Variants in CDK7 observed in about 807,000 individuals in gnomAD.
CDK7 encodes cyclin-dependent kinase 7.
CDK7 carries 25 observed loss-of-function variants against 49.1 expected under a neutral mutation model. The ratio of observed to expected loss-of-function variants is 0.51; its 90% CI spans 0.37 to 0.71. CDK7 has a LOEUF of 0.71. Ranked by LOEUF, CDK7 falls within the 30% of genes least tolerant of loss-of-function variation. The pLI is 0.00. For missense variants in CDK7, 316 were observed against 411.7 expected, an observed-to-expected ratio of 0.77 and a Z score of 2.01; for synonymous variants, 107 against 140.0, an observed-to-expected ratio of 0.76 and a Z score of 1.67.
chr5:69,242,011 T>C (rs1030074550), intron 2 of CDK7, among the ~76,000 whole-genome samples: 5 of 152,202 alleles, frequency 3.3e-5, no homozygotes, highest in African/African-American at 1.2e-4. Context: ...TTTCCACTGT[T>C]TTCTTTTAGT....
intron 10 of CDK7, among the ~76,000 whole-genome samples, chr5:69,276,186 G>A (rs1247756132): frequency 1.3e-5 from 2 of 151,974 alleles, no homozygotes; most frequent in African/African-American, 2.4e-5. Context: ...GCACCACCAC[G>A]CCCAGCTTAT....
intron 2 of CDK7, chr5:69,250,648 A>C: frequency 2.2e-6 from 1 of 453,974 alleles, no homozygotes; most frequent in African/African-American, 2.0e-5. Flanking sequence ...CATGGACCCT[A>C]GTAGCCCACC....
chr5:69,249,688 A>C (rs933485760), intron 2 of CDK7, among the ~76,000 whole-genome samples: 2 of 152,138 alleles, frequency 1.3e-5, no homozygotes, highest in African/African-American at 4.8e-5. Flanking sequence ...CTCTACTAAA[A>C]ATACAAAATT....
intron 6 of CDK7, among the ~76,000 whole-genome samples, chr5:69,259,507 AT>A (rs1465526938): frequency 6.6e-6 from 1 of 152,194 alleles, no homozygotes; most frequent in Non-Finnish European, 1.5e-5. Flanking sequence ...AGTAGGAACC[AT>A]TTATTGAGTG....
At chr5:69,240,809 A>G (rs1014703465) in intron 2 of CDK7, among the ~76,000 whole-genome samples, 1 of 152,030 alleles carries the variant, frequency 6.6e-6, no homozygotes, top group African/African-American at 2.4e-5. Flanking sequence ...TTGTATTTTT[A>G]GTAGAGACGG....
At chr5:69,237,235 G>C (rs1441192200) in intron 2 of CDK7, among the ~76,000 whole-genome samples, 1 of 151,916 alleles carries the variant, frequency 6.6e-6, no homozygotes, top group Non-Finnish European at 1.5e-5. Flanking sequence ...AAGGTAGCTG[G>C]GACTATAGAC....
intron 7 of CDK7, among the ~76,000 whole-genome samples, chr5:69,261,488 C>CTGTGTGTGTGTGTGTGTGTGTGTGTG (rs376469145): frequency 8.3e-6 from 1 of 120,260 alleles, no homozygotes; most frequent in Non-Finnish European, 1.8e-5. Context: ...TGAAAAGGTT[C>CTGTGTGTGTGTGTGTGTGTGTGTGTG]TCTGTGTGTG....
At chr5:69,250,920 A>T in intron 2 of CDK7, 1 of 454,010 alleles carries the variant, frequency 2.2e-6, no homozygotes, top group Non-Finnish European at 4.4e-6. Context: ...TACTTTAAGA[A>T]ATTCTGTGGG....
intron 9 of CDK7, among the ~76,000 whole-genome samples, chr5:69,270,511 G>C (rs936147593): frequency 2.0e-5 from 3 of 152,038 alleles, no homozygotes; most frequent in African/African-American, 7.2e-5. Context: ...TTACAAGATG[G>C]GAGCATCTTA....
intron 2 of CDK7, among the ~76,000 whole-genome samples, chr5:69,250,099 G>A (rs934360504): frequency 2.0e-5 from 3 of 152,154 alleles, no homozygotes; most frequent in Admixed American, 2.0e-4. Context: ...ATTTGGTGAG[G>A]GTATGTTTTC....
At chr5:69,269,155 A>C in intron 8 of CDK7, 52 bp from the exon 9 acceptor site, 1 of 1,224,694 alleles carries the variant, frequency 8.2e-7, no homozygotes, top group Non-Finnish European at 1.2e-6. Flanking sequence ...AAAAGAAAAA[A>C]ATTAAAAAAA....
intron 6 of CDK7, 48 bp from the exon 7 acceptor site, chr5:69,259,770 T>C (rs771759976): frequency 8.3e-7 from 1 of 1,205,528 alleles, no homozygotes; most frequent in Admixed American, 1.7e-5. Flanking sequence ...CACTACAGTG[T>C]TCTCCCCTAC....
At chr5:69,274,058 C>T (rs1751856395) in intron 10 of CDK7, among the ~76,000 whole-genome samples, 1 of 152,050 alleles carries the variant, frequency 6.6e-6, no homozygotes, top group South Asian at 2.1e-4. Context: ...AATTTGTTGC[C>T]TTTTCACTCA....
At chr5:69,270,084 ATTAAAC>A (rs775611609) in intron 9 of CDK7, among the ~76,000 whole-genome samples, 9 of 75,816 alleles carry the variant, frequency 1.2e-4, no homozygotes, top group South Asian at 5.5e-4. Context: ...AAAAAAAAAA[ATTAAAC>A]TTCTTATTTT....
At chr5:69,257,826 G>A (rs1750582659) in intron 5 of CDK7, among the ~76,000 whole-genome samples, 1 of 152,232 alleles carries the variant, frequency 6.6e-6, no homozygotes, top group Non-Finnish European at 1.5e-5. Context: ...TGCGAAAGCA[G>A]TAGAGGACAA....
At chr5:69,245,879 C>T (rs1284092864) in intron 2 of CDK7, among the ~76,000 whole-genome samples, 3 of 152,042 alleles carry the variant, frequency 2.0e-5, no homozygotes, top group South Asian at 2.1e-4. Flanking sequence ...TGGATTTCTG[C>T]GGTATTGGTT....
chr5:69,244,996 CAT>C (rs1749642196), intron 2 of CDK7, among the ~76,000 whole-genome samples: 1 of 152,148 alleles, frequency 6.6e-6, no homozygotes, highest in Non-Finnish European at 1.5e-5. Context: ...TTGATTATAG[CAT>C]ATGTTGAACC....
At chr5:69,273,091 CT>C (rs1561378462) in intron 10 of CDK7, 50 bp downstream of exon 10, 1 of 1,205,100 alleles carries the variant, frequency 8.3e-7, no homozygotes, top group Admixed American at 2.4e-5. Context: ...ATAATCTTAA[CT>C]GTAGCATTGA....
intron 5 of CDK7, 32 bp from the exon 6 acceptor site, chr5:69,258,011 G>A (rs1561361976): frequency 2.0e-6 from 2 of 990,240 alleles, no homozygotes; most frequent in Admixed American, 4.3e-5. Flanking sequence ...AAATAATAAA[G>A]GGTACCTGTA....
Sources: gnomAD v4.1 joint callset for allele counts (sites outside exome capture counted in the v4.1 genomes callset) on GRCh38, gnomAD v4.1.1 for gene constraint, MANE v1.5 for transcripts, NCBI Gene and HGNC (gene_info 2026-07-23, HGNC 2026-07-21) for gene names.